The following OAS3 variants were observed in gnomAD, a reference collection of about 807,000 sequenced individuals.
OAS3 encodes the protein 2'-5'-oligoadenylate synthase 3.
OAS3 carries 107 observed loss-of-function variants against 113.0 expected under a neutral mutation model. That is an observed-to-expected ratio of 0.95 (90% confidence interval 0.81 to 1.11). The LOEUF (loss-of-function observed/expected upper bound fraction) is 1.11, where lower values mean the gene tolerates loss of function less well. OAS3 is among the 50% of genes most tolerant of loss of function. The pLI is 0.00. For missense variants in OAS3, 1,258 were observed against 1,389.1 expected (o/e 0.91, Z 1.50); for synonymous variants, 552 against 573.6 (o/e 0.96, Z 0.54).
rs546069713 is a variant in OAS3 at position 112,943,093 on chromosome 12, C to G, written c.460+1241C>G. Among the ~76,000 whole-genome samples, 17 of 151,974 alleles carry G rather than the reference C, an allele frequency of 1.1e-4. No homozygotes were observed. The South Asian group carries it at 3.5e-3, about 32-fold the overall frequency. On this transcript the variant is annotated intron_variant, in intron 2 of 15. Coordinates refer to ENST00000228928, the MANE Select transcript of OAS3 (RefSeq NM_006187.4). Reference sequence around the variant, plus strand: ...TGGGCTACAGGCATGCACCACCATGCCTGGCTAATTTTTGTATTTTTTATA... The same window carrying G: ...TGGGCTACAGGCATGCACCACCATGGCTGGCTAATTTTTGTATTTTTTATA...
intron 1 of OAS3, among the ~76,000 whole-genome samples, chr12:112,941,353 C>G (rs530324353): frequency 2.0e-5 from 3 of 152,202 alleles, no homozygotes; most frequent in African/African-American, 7.2e-5. Flanking sequence ...GACCCTGTTT[C>G]TATGGAAAAA....
rs563533968 is a variant in OAS3 at position 112,943,086 on chromosome 12, C to T, written c.460+1234C>T. On this transcript the variant is annotated intron_variant, in intron 2 of 15. Transcript: ENST00000228928. Reference sequence around the variant, plus strand: ...GAGTAGCTGGGCTACAGGCATGCACCACCATGCCTGGCTAATTTTTGTATT... The same window carrying T: ...GAGTAGCTGGGCTACAGGCATGCACTACCATGCCTGGCTAATTTTTGTATT... Among the ~76,000 whole-genome samples the T allele has an allele frequency of 7.2e-5, 11 of 152,106 alleles. No individual in the cohort carries two copies. In the South Asian group the frequency reaches 2.3e-3, roughly 32 times the overall value.
intron 7 of OAS3, among the ~76,000 whole-genome samples, chr12:112,956,080 C>T (rs991429859): frequency 8.6e-5 from 13 of 152,002 alleles, no homozygotes; most frequent in Non-Finnish European, 1.6e-4. Flanking sequence ...TGTCTGTGTC[C>T]GGGAATTTAT....
At chr12:112,955,004 T>C (rs1011958262) in intron 7 of OAS3, among the ~76,000 whole-genome samples, 1 of 152,234 alleles carries the variant, frequency 6.6e-6, no homozygotes, top group Non-Finnish European at 1.5e-5. Flanking sequence ...CACTGAGCAG[T>C]GGTTTGTAGT....
rs778968002 is a variant in OAS3, at chr12:112,969,614, C to T, written c.3111C>T (p.Ile1037=). ...LKQQLQKPRP[I]ILDPADPTGN... is the part of the protein sequence containing the mutation. ...CCCTGGGTGGGAATTGCAGGCCTAT[C>T]ATCCTGGATCCGGCTGACCCGACAG... The change falls in exon 15 of 16, where the codon ATC becomes ATT. Residue 1037 remains isoleucine (I), a synonymous_variant. Coordinates refer to ENST00000228928, the MANE Select transcript of OAS3 (RefSeq NM_006187.4). The T allele has an allele frequency of 2.5e-6, 4 of 1,598,302 alleles. No homozygotes were observed. Among genetic ancestry groups the T allele is most frequent in the Non-Finnish European group, 3.4e-6 (4 of 1,172,024 alleles).
Position 112,971,387 on chromosome 12 carries a change from TC to T in OAS3, c.*1417del, listed in dbSNP as rs1731201857. The stretch of plus-strand genomic sequence containing the variant: ...GAGCTGCGGGAAGACGGATCCCACC[TC>T]CCTTTCTTAGCAGAATCTAAATTAC... On this transcript the variant is annotated 3_prime_UTR_variant, in exon 16 of 16. Coordinates refer to ENST00000228928, the MANE Select transcript of OAS3 (RefSeq NM_006187.4). The T allele has an allele frequency of 6.5e-6, 1 of 153,292 alleles. No individual in the cohort carries two copies. Among genetic ancestry groups the T allele is most frequent in the Admixed American group, 6.5e-5 (1 of 15,298 alleles). The allele number at this position is 153,292 out of a possible 1,614,324, so 9.5% of individuals were successfully genotyped here.
chr12:112,938,957 G>A (rs1179526655), intron 1 of OAS3, among the ~76,000 whole-genome samples: 1 of 152,224 alleles, frequency 6.6e-6, no homozygotes, highest in African/African-American at 2.4e-5. Flanking sequence ...GTCCGATCCT[G>A]TAAGAGGCCC....
At chr12:112,969,562 C>G (rs185433900) in intron 14 of OAS3, 46 bp from the exon 15 acceptor site, 1 of 1,569,274 alleles carries the variant, frequency 6.4e-7, no homozygotes, top group South Asian at 1.2e-5. Context: ...CAGGTGGACA[C>G]CTAGATGTTG....
chr12:112,944,868 T>C lies in OAS3; in HGVS notation c.636+217T>C, dbSNP rs1173077811. 3 of 580,056 alleles carry C rather than the reference T, an allele frequency of 5.2e-6. No individual in the cohort carries two copies. In the African/African-American group the frequency reaches 5.6e-5, roughly 11 times the overall value. 35.9% of individuals were successfully genotyped at this position (580,056 alleles called of 1,614,324 possible). ...TTGTGGATACTGATCCTTATTTAGT[T>C]AATATAATGCATTCTTCCAATAGTC... On this transcript the variant is annotated intron_variant, in intron 3 of 15. Coordinates refer to ENST00000228928, the MANE Select transcript of OAS3 (RefSeq NM_006187.4).
intron 7 of OAS3, among the ~76,000 whole-genome samples, chr12:112,956,360 A>G: frequency 6.6e-6 from 1 of 151,642 alleles, no homozygotes; most frequent in South Asian, 2.1e-4. Context: ...GATCTTAGTT[A>G]TTTCCTGCCT....
intron 15 of OAS3, 88 bp from the exon 16 acceptor site, chr12:112,969,874 C>T: frequency 6.3e-7 from 1 of 1,588,188 alleles, no homozygotes; most frequent in East Asian, 2.3e-5. Flanking sequence ...AGGTATGCCC[C>T]TGTGCTTCCA....
At position 112,964,223 on chromosome 12, in the gene OAS3, T is replaced by C; in HGVS notation, c.2230-12T>C. On this transcript the variant is annotated splice_polypyrimidine_tract_variant and intron_variant, in intron 10 of 15. Transcript: ENST00000228928. ...CCGTCTCAAGCTGGCCCCACCTGGA[T>C]TCTCTCTGCAGCCAGCCCTCCTTTA... 1 of 1,573,524 alleles carries C rather than the reference T, an allele frequency of 6.4e-7. No individual in the cohort carries two copies. The highest frequency in any genetic ancestry group is 8.6e-7 in the Non-Finnish European group (1 of 1,159,026).
chr12:112,950,556 C>A (rs573764868), intron 6 of OAS3, 137 bp from the exon 7 acceptor site: 67 of 1,001,136 alleles, frequency 6.7e-5, no homozygotes, highest in Non-Finnish European at 9.5e-5. Context: ...ATGCAGTCGA[C>A]CTTTGTCATA....
Position 112,941,860 on chromosome 12 carries a change from G to A in OAS3, c.460+8G>A, listed in dbSNP as rs1175674957. On this transcript the variant is annotated splice_region_variant and intron_variant, in intron 2 of 15. Coordinates refer to ENST00000228928, the MANE Select transcript of OAS3 (RefSeq NM_006187.4). ...CTGCCTTCAATGTCCTGGGTGAGGGGTTCCTAGACCATTCCAGGGTTGGGG... is the reference window on the plus strand; with the variant it reads ...CTGCCTTCAATGTCCTGGGTGAGGGATTCCTAGACCATTCCAGGGTTGGGG... 1.9e-6 allele frequency: 3 copies of A among 1,613,986 alleles called. No homozygotes were observed. The highest frequency in any genetic ancestry group is 2.5e-6 in the Non-Finnish European group (3 of 1,179,880).
At chr12:112,966,139 T>C in intron 12 of OAS3, 110 bp downstream of exon 12, 1 of 1,093,488 alleles carries the variant, frequency 9.1e-7, no homozygotes, top group South Asian at 1.5e-5. Flanking sequence ...TTCGCATCAT[T>C]GCAGGCATTG....
In OAS3 at chr12:112,972,620, C is replaced by T. The variant is rs945598023; in HGVS notation, c.*2647C>T. On this transcript the variant is annotated 3_prime_UTR_variant, in exon 16 of 16. Transcript: ENST00000228928. ...TAGTCTTAGCCAATATTAAAACATA[C>T]TATGAAGCCTCTGATACTTAAACAG... 2.6e-5 allele frequency: 4 copies of T among 152,208 alleles called. No individual in the cohort carries two copies. The highest frequency in any genetic ancestry group is 9.6e-5 in the African/African-American group (4 of 41,452). 9.4% of individuals were successfully genotyped at this position (152,208 alleles called of 1,614,324 possible).
At chr12:112,956,496 A>G (rs1456079070) in intron 7 of OAS3, among the ~76,000 whole-genome samples, 2 of 152,298 alleles carry the variant, frequency 1.3e-5, no homozygotes, top group South Asian at 4.2e-4. Flanking sequence ...TTCCCTCTAC[A>G]CACTGCTTTA....
chr12:112,969,427 G>A, intron 14 of OAS3, 181 bp from the exon 15 acceptor site: 1 of 660,006 alleles, frequency 1.5e-6, no homozygotes, highest in Non-Finnish European at 2.6e-6. Context: ...ATGGCAAAGT[G>A]GCCATGTGTG....
chr12:112,948,586 G>A (rs1027344698), intron 5 of OAS3, among the ~76,000 whole-genome samples: 33 of 152,040 alleles, frequency 2.2e-4, no homozygotes, highest in African/African-American at 7.2e-4. Flanking sequence ...CTGCCCGGGG[G>A]AAGGAGTCCT....
Sources: gnomAD v4.1 joint callset for allele counts (sites outside exome capture counted in the v4.1 genomes callset) on GRCh38, gnomAD v4.1.1 for gene constraint, MANE v1.5 for transcripts, NCBI Gene and HGNC (gene_info 2026-07-23, HGNC 2026-07-21) for gene names.